Variants in ANGPT1 observed in about 807,000 individuals in gnomAD.
ANGPT1 encodes angiopoietin 1.
A neutral mutation model predicts 62.2 loss-of-function variants in ANGPT1; 17 were observed. The ratio of observed to expected loss-of-function variants is 0.27; its 90% CI spans 0.19 to 0.41. The LOEUF is 0.41. ANGPT1 is among the 10% of genes least tolerant of loss of function. The pLI, the probability that ANGPT1 is intolerant of heterozygous loss-of-function variation, is 1.00. For missense variants in ANGPT1, 478 were observed against 594.9 expected, an observed-to-expected ratio of 0.80 and a Z score of 2.04; for synonymous variants, 199 against 198.9, an observed-to-expected ratio of 1.00 and a Z score of 0.00.
intron 5 of ANGPT1, among the ~76,000 whole-genome samples, chr8:107,299,704 A>ACTATATATACTATATATATAGTTATAT (rs1814521012): frequency 1.5e-5 from 2 of 129,848 alleles, no homozygotes; most frequent in African/African-American, 6.0e-5. Flanking sequence ...ACTATACTAT[A>ACTATATATACTATATATATAGTTATAT]CTATATATAC....
Position 107,451,250 on chromosome 8 carries a change from G to C in ANGPT1, c.297+46012C>G, listed in dbSNP as rs183925146. ...GCATATAAAGTACAGATTCAGGAAG[G>C]GTTAAAAATGAAGAGAGAAACTGCT... On this transcript the variant is annotated intron_variant, in intron 1 of 8. Transcript: ENST00000517746. Among the ~76,000 whole-genome samples, 5 of 151,248 alleles carry C rather than the reference G, an allele frequency of 3.3e-5. No individual in the cohort carries two copies. In the Admixed American group the frequency reaches 3.3e-4, roughly 10 times the overall value.
chr8:107,346,329 A>G (rs912082901), intron 2 of ANGPT1, among the ~76,000 whole-genome samples: 16 of 152,324 alleles, frequency 1.1e-4, no homozygotes, highest in Middle Eastern at 3.4e-3. Flanking sequence ...AATGACAGTC[A>G]TCAAAATGAT....
chr8:107,350,815 G>T (rs891204852), intron 1 of ANGPT1, among the ~76,000 whole-genome samples: 2 of 152,086 alleles, frequency 1.3e-5, no homozygotes, highest in Non-Finnish European at 2.9e-5. Context: ...AAAGGCTGGA[G>T]CAGGAGGCAG....
chr8:107,263,074 G>A (rs1368253959), intron 8 of ANGPT1, among the ~76,000 whole-genome samples: 1 of 151,966 alleles, frequency 6.6e-6, no homozygotes, highest in African/African-American at 2.4e-5. Flanking sequence ...GATATAGCCA[G>A]GTGCCATGGT....
At chr8:107,368,250 A>C (rs1219124178) in intron 1 of ANGPT1, among the ~76,000 whole-genome samples, 1 of 152,186 alleles carries the variant, frequency 6.6e-6, no homozygotes, top group Non-Finnish European at 1.5e-5. Context: ...CACCAGGTGC[A>C]TTGTCAATGA....
rs1813213390 is a variant in ANGPT1, at chr8:107,250,012, C to T, written c.*1843G>A. The T allele has an allele frequency of 6.6e-6, 1 of 152,288 alleles. No individual in the cohort carries two copies. Among genetic ancestry groups the T allele is most frequent in the African/African-American group, 2.4e-5 (1 of 41,358 alleles). The allele number at this position is 152,288 out of a possible 1,614,324, so 9.4% of individuals were successfully genotyped here. A position where few individuals can be genotyped will look rare whatever the true frequency, so the allele number is the denominator to read the frequency against. ...TTGTAAGGCAAAAAGGGGTAGAATACAGACACATAAATATAAAAAAGACTT... is the reference window on the plus strand; with the variant it reads ...TTGTAAGGCAAAAAGGGGTAGAATATAGACACATAAATATAAAAAAGACTT... On this transcript the variant is annotated 3_prime_UTR_variant, in exon 9 of 9. Transcript: ENST00000517746.
At chr8:107,295,279 A>C (rs1814385667) in intron 5 of ANGPT1, 1 of 151,998 alleles carries the variant, frequency 6.6e-6, no homozygotes, top group African/African-American at 2.4e-5. Context: ...GAATTGACTC[A>C]CCTCCAAGAT....
chr8:107,366,779 T>C (rs1816282515), intron 1 of ANGPT1, among the ~76,000 whole-genome samples: 1 of 152,190 alleles, frequency 6.6e-6, no homozygotes, highest in Non-Finnish European at 1.5e-5. Context: ...TCAGAGTTGA[T>C]CTGTGTGATC....
At chr8:107,259,642 G>C (rs1298037298) in intron 8 of ANGPT1, among the ~76,000 whole-genome samples, 1 of 151,994 alleles carries the variant, frequency 6.6e-6, no homozygotes, top group African/African-American at 2.4e-5. Context: ...ACTAAAGTAA[G>C]GAATGTAAAA....
intron 2 of ANGPT1, among the ~76,000 whole-genome samples, chr8:107,342,671 A>G (rs1815718128): frequency 6.6e-6 from 1 of 152,080 alleles, no homozygotes; most frequent in Non-Finnish European, 1.5e-5. Context: ...TAAACCTTGT[A>G]AGAAAACTAA....
At chr8:107,321,063 A>C (rs1375557102) in intron 4 of ANGPT1, among the ~76,000 whole-genome samples, 1 of 152,092 alleles carries the variant, frequency 6.6e-6, no homozygotes, top group Non-Finnish European at 1.5e-5. Context: ...AGAAATACAG[A>C]AGATGACTTC....
At chr8:107,411,505 C>T (rs7840177) in intron 1 of ANGPT1, among the ~76,000 whole-genome samples, 4,351 of 151,732 alleles carry the variant, frequency 0.029, 202 homozygotes, top group African/African-American at 0.097. Flanking sequence ...ATAAATAGAA[C>T]GAAGATAAAA....
chr8:107,287,651 T>C (rs1010813679), intron 6 of ANGPT1, among the ~76,000 whole-genome samples: 14 of 152,152 alleles, frequency 9.2e-5, no homozygotes, highest in Admixed American at 8.5e-4. Flanking sequence ...GTAAACTGTC[T>C]TTTGGATAGT....
At chr8:107,434,414 G>A (rs988473026) in intron 1 of ANGPT1, among the ~76,000 whole-genome samples, 4 of 152,074 alleles carry the variant, frequency 2.6e-5, no homozygotes, top group Admixed American at 1.3e-4. Context: ...GAAATACTTC[G>A]CTTGGGGTTG....
chr8:107,496,693 C>T (rs1249199982), intron 1 of ANGPT1, among the ~76,000 whole-genome samples: 1 of 152,070 alleles, frequency 6.6e-6, no homozygotes, highest in East Asian at 1.9e-4. Flanking sequence ...TAACAGAAAT[C>T]AGTCTACTAT....
chr8:107,365,106 C>G (rs1816245514), intron 1 of ANGPT1, among the ~76,000 whole-genome samples: 1 of 152,058 alleles, frequency 6.6e-6, no homozygotes, highest in Non-Finnish European at 1.5e-5. Flanking sequence ...CAGAAAGTAA[C>G]AATATTGCAA....
chr8:107,321,059 A>G (rs921696384), intron 4 of ANGPT1, among the ~76,000 whole-genome samples: 1 of 152,096 alleles, frequency 6.6e-6, no homozygotes, highest in Admixed American at 6.6e-5. Context: ...TTAGAGAAAT[A>G]CAGAAGATGA....
chr8:107,290,778 G>A (rs748278173), intron 6 of ANGPT1, among the ~76,000 whole-genome samples: 43 of 152,250 alleles, frequency 2.8e-4, no homozygotes, highest in Admixed American at 2.2e-3. Context: ...TTAAAAAAGG[G>A]AGGAGGGGTA....
chr8:107,341,983 T>C (rs1815705714), intron 2 of ANGPT1, among the ~76,000 whole-genome samples: 1 of 152,002 alleles, frequency 6.6e-6, no homozygotes, highest in African/African-American at 2.4e-5. Flanking sequence ...TCCAACTCTC[T>C]CTCCCTGCCC....
Sources: allele counts gnomAD v4.1 joint callset (sites outside exome capture counted in the v4.1 genomes callset), GRCh38; gene constraint gnomAD v4.1.1; transcripts MANE v1.5; gene names NCBI Gene and HGNC (gene_info 2026-07-23, HGNC 2026-07-21).